SKIDA1: variants seen among roughly 807,000 people sequenced by gnomAD.
The protein encoded by SKIDA1 is SKI/DACH domain containing 1.
SKIDA1 carries 18 observed loss-of-function variants against 51.4 expected under a neutral mutation model. That is an observed-to-expected ratio of 0.35 (90% confidence interval 0.24 to 0.52). The LOEUF is 0.52. Among genes scored for constraint, SKIDA1 ranks in the 20% least tolerant of loss-of-function variants. SKIDA1 has a pLI of 0.95. For missense variants in SKIDA1, 1,104 were observed against 1,180.6 expected (o/e 0.94, Z 0.95); for synonymous variants, 579 against 500.5 (o/e 1.16, Z -2.09).
chr10:21,517,505 C>A lies in SKIDA1; in HGVS notation c.318G>T (p.Arg106Ser). 2 of 1,559,896 alleles carry A rather than the reference C, an allele frequency of 1.3e-6. No individual in the cohort carries two copies. Among genetic ancestry groups the A allele is most frequent in the Non-Finnish European group, 1.7e-6 (2 of 1,152,142 alleles). The change falls in exon 4 of 4, where the codon AGG (arginine) becomes AGT (serine). Residue 106 changes from arginine (R) to serine (S), a missense_variant. Physicochemically the swap from Arg to Ser is moderately radical, Grantham distance 110. Around this residue, in one of 3 missense-constraint regions of SKIDA1, gnomAD observed 938 missense variants for 886.4 expected, o/e 1.06. Coordinates refer to ENST00000449193, the MANE Select transcript of SKIDA1 (RefSeq NM_207371.4). The surrounding 1 kb of genome is among the most constrained non-coding windows in gnomAD (Gnocchi z 6.9). ...KTERVLKTKR[R>S]RVGRALATKA... ...TTGTGGCCAGGGCCCGGCCGACCCG[C>A]CTGCGCTTGGTCTTGAGGACGCGCT...
intron 2 of SKIDA1, among the ~76,000 whole-genome samples, chr10:21,522,263 G>GCCCCCCCCCCCCCCCCCCCCCC (rs2032417569): frequency 4.1e-5 from 1 of 24,114 alleles, no homozygotes; most frequent in Non-Finnish European, 6.9e-5. Context: ...GAGGATCACA[G>GCCCCCCCCCCCCCCCCCCCCCC]CCACCCCCCC....
rs754621872 is a variant in SKIDA1 at position 21,517,124 on chromosome 10, A to AGCGGCGGCGGCGGCGGCGGCG, written c.678_698dup (p.Ala238_Ala244dup). 1 of 1,031,728 alleles carries AGCGGCGGCGGCGGCGGCGGCG rather than the reference A, an allele frequency of 9.7e-7. No individual in the cohort carries two copies. The highest frequency in any genetic ancestry group is 1.9e-5 in the African/African-American group (1 of 53,166). The allele number at this position is 1,031,728 out of a possible 1,614,324, so 63.9% of individuals were successfully genotyped here. A position where few individuals can be genotyped will look rare whatever the true frequency, so the allele number is the denominator to read the frequency against. ...CGGCGGCGGCGGCGGCGGCGGCAGC[A>AGCGGCGGCGGCGGCGGCGGCG]GCGGCGGCGGCGGCGGCGGCGGCGG... On this transcript the variant is annotated inframe_insertion, in exon 4 of 4. Coordinates refer to ENST00000449193, the MANE Select transcript of SKIDA1 (RefSeq NM_207371.4). This position sits in a 1 kb window ranked among gnomAD's most constrained non-coding sequence, Gnocchi z 6.9.
In SKIDA1 at chr10:21,522,263, G is replaced by GCCA. The variant is rs2032417886; in HGVS notation, c.-1928-786_-1928-784dup. Among the ~76,000 whole-genome samples, 14 of 24,116 alleles carry GCCA rather than the reference G, an allele frequency of 5.8e-4. 1 individual carries two copies. Among genetic ancestry groups the GCCA allele is most frequent in the East Asian group, 6.1e-3 (1 of 164 alleles). 15.8% of individuals were successfully genotyped at this position (24,116 alleles called of 152,430 possible). A position where few individuals can be genotyped will look rare whatever the true frequency, so the allele number is the denominator to read the frequency against. ...ATACATAATTTAAATGAGGATCACA[G>GCCA]CCACCCCCCCCCCCCCCCCCCCCCC... is the stretch of plus-strand genomic sequence containing the variant. On this transcript the variant is annotated intron_variant, in intron 2 of 3. Coordinates refer to ENST00000449193, the MANE Select transcript of SKIDA1 (RefSeq NM_207371.4).
chr10:21,525,178 T>C (rs1460304745), intron 1 of SKIDA1, among the ~76,000 whole-genome samples: 1 of 152,202 alleles, frequency 6.6e-6, no homozygotes, highest in African/African-American at 2.4e-5. Context: ...GTAGTGGCTA[T>C]GGGAGAGATG....
rs952360682 is a variant in SKIDA1, at chr10:21,519,000, T to A, written c.-1178A>T. 1.8e-5 allele frequency: 3 copies of A among 166,596 alleles called. No homozygotes were observed. The highest frequency in any genetic ancestry group is 7.3e-5 in the African/African-American group (3 of 41,194). 10.3% of individuals were successfully genotyped at this position (166,596 alleles called of 1,614,324 possible). On this transcript the variant is annotated 5_prime_UTR_variant, in exon 4 of 4. Coordinates refer to ENST00000449193, the MANE Select transcript of SKIDA1 (RefSeq NM_207371.4). ...GCTGGGGGGTGGGGTGGGGAGGAGG[T>A]AGTTTCACGTCAGACCCATAACAAA...
chr10:21,523,505 A>G (rs553117962), intron 2 of SKIDA1, among the ~76,000 whole-genome samples, 178 bp downstream of exon 2: 5 of 152,304 alleles, frequency 3.3e-5, no homozygotes, highest in Admixed American at 3.3e-4. Context: ...GCCTTTCACA[A>G]TTGATCCTGA....
In SKIDA1 at chr10:21,517,233, GT is replaced by G; in HGVS notation, c.589del (p.Thr197LeufsTer71). 6.8e-7 allele frequency: 1 copy of G among 1,467,480 alleles called. No homozygotes were observed. Among genetic ancestry groups the G allele is most frequent in the Admixed American group, 2.5e-5 (1 of 40,364 alleles). 90.9% of individuals were successfully genotyped at this position (1,467,480 alleles called of 1,614,324 possible). A position where few individuals can be genotyped will look rare whatever the true frequency, so the allele number is the denominator to read the frequency against. The stretch of plus-strand genomic sequence containing the variant: ...GACGTAGTTTCCCTGGAGCGGGGCA[GT>G]TTCATAGTTTAGAGGGGGTTTGCAC... The part of the protein sequence containing the change: ...SPCKPPLNYE[T>X]APLQGNYVAF... On this transcript the variant is annotated frameshift_variant, in exon 4 of 4. Transcript: ENST00000449193. LOFTEE classifies it high-confidence loss of function. The surrounding 1 kb of genome is among the most constrained non-coding windows in gnomAD (Gnocchi z 6.9).
chr10:21,523,408 A>G (rs375208575), intron 2 of SKIDA1, among the ~76,000 whole-genome samples: 1 of 152,184 alleles, frequency 6.6e-6, no homozygotes, highest in Admixed American at 6.5e-5. Flanking sequence ...ATTAAATGCT[A>G]TCAAAGAAAA....
Position 21,516,390 on chromosome 10 carries a change from T to C in SKIDA1, c.1433A>G (p.Gln478Arg). Residue 478 changes from glutamine (Q) to arginine (R), a missense_variant, in exon 4 of 4, where the codon CAG (glutamine) becomes CGG (arginine). By Grantham distance (43) the Gln-to-Arg change is conservative (BLOSUM62 1). Around this residue, in one of 3 missense-constraint regions of SKIDA1, gnomAD observed 938 missense variants for 886.4 expected, o/e 1.06. Coordinates refer to ENST00000449193, the MANE Select transcript of SKIDA1 (RefSeq NM_207371.4). This position sits in a 1 kb window ranked among gnomAD's most constrained non-coding sequence, Gnocchi z 5.7. ...RTSFCKPPSVQAQANFLYHLA... is the reference protein window; with the variant it reads ...RTSFCKPPSVRAQANFLYHLA... ...ATGGTACAAGAAGTTGGCCTGCGCC[T>C]GCACGCTGGGAGGCTTGCAGAAGCT... The C allele has an allele frequency of 1.9e-6, 3 of 1,613,468 alleles. No homozygotes were observed. Among genetic ancestry groups the C allele is most frequent in the Non-Finnish European group, 2.5e-6 (3 of 1,179,874 alleles).
chr10:21,515,587 G>T lies in SKIDA1; in HGVS notation c.2236C>A (p.Pro746Thr), dbSNP rs1358894648. 6.2e-7 allele frequency: 1 copy of T among 1,614,024 alleles called. No homozygotes were observed. The highest frequency in any genetic ancestry group is 2.2e-5 in the East Asian group (1 of 44,894). Residue 746 changes from proline to threonine, a missense_variant, in exon 4 of 4, where the codon CCT becomes ACT. By Grantham distance (38) the Pro-to-Thr change is conservative (BLOSUM62 -1). Transcript: ENST00000449193. ...EGFACPEKETPSLNPLAQSQG... is the reference protein window; with the variant it reads ...EGFACPEKETTSLNPLAQSQG... ...CTTTGAGCCAGTGGATTTAAGGAAGGAGTTTCTTTTTCAGGGCATGCAAAA... is the reference window on the plus strand; with the variant it reads ...CTTTGAGCCAGTGGATTTAAGGAAGTAGTTTCTTTTTCAGGGCATGCAAAA...
chr10:21,516,534 CCCCCCTCCTCCTCCTCTT>C lies in SKIDA1; in HGVS notation c.1271_1288del (p.Glu424_Gly429del), dbSNP rs748575217. On this transcript the variant is annotated inframe_deletion, in exon 4 of 4. Transcript: ENST00000449193. The surrounding 1 kb of genome is among the most constrained non-coding windows in gnomAD (Gnocchi z 5.7). ...TTCACTGGAATCCGAGGCCCCGCTGCCCCCCTCCTCCTCCTCTTCCTCCTCCTCCTCCTCTCCCTCCTC... is the reference window on the plus strand; with the variant it reads ...TTCACTGGAATCCGAGGCCCCGCTGCCCTCCTCCTCCTCCTCTCCCTCCTC... The C allele has an allele frequency of 4.7e-6, 6 of 1,278,626 alleles. No homozygotes were observed. The highest frequency in any genetic ancestry group is 6.3e-6 in the Non-Finnish European group (6 of 954,920). 79.2% of individuals were successfully genotyped at this position (1,278,626 alleles called of 1,614,324 possible).
chr10:21,517,950 A>C lies in SKIDA1; in HGVS notation c.-128T>G. The C allele has an allele frequency of 3.6e-6, 3 of 839,334 alleles. No individual in the cohort carries two copies. The highest frequency in any genetic ancestry group is 2.8e-5 in the South Asian group (1 of 36,030). 52.0% of individuals were successfully genotyped at this position (839,334 alleles called of 1,614,324 possible). On this transcript the variant is annotated 5_prime_UTR_variant, in exon 4 of 4. Transcript: ENST00000449193. This position sits in a 1 kb window ranked among gnomAD's most constrained non-coding sequence, Gnocchi z 6.9. ...AAGGCATCCTGCTAATAAAATAACA[A>C]AGACTGTTATTCCCGGCGAAGGAAG... is the stretch of plus-strand genomic sequence containing the variant.
At position 21,515,403 on chromosome 10, in the gene SKIDA1, G is replaced by A. The variant is rs2032168245; in HGVS notation, c.2420C>T (p.Pro807Leu). ...TGTCTCAGTTTTACCTGTAGGACGA[G>A]GGCTTCTAGCTGATTTCAAATTTGG... ...VKPNLKSARS[P>L]RPTGKTETNE... The change falls in exon 4 of 4, where the codon CCT becomes CTT. Residue 807 changes from proline to leucine, a missense_variant. Around this residue, in one of 3 missense-constraint regions of SKIDA1, gnomAD observed 112 missense variants for 168.3 expected, o/e 0.67. Transcript: ENST00000449193. The A allele has an allele frequency of 6.2e-7, 1 of 1,613,974 alleles. No homozygotes were observed. Among genetic ancestry groups the A allele is most frequent in the Non-Finnish European group, 8.5e-7 (1 of 1,179,888 alleles).
chr10:21,516,862 T>C lies in SKIDA1; in HGVS notation c.961A>G (p.Thr321Ala), dbSNP rs1031787874. The C allele has an allele frequency of 3.0e-6, 4 of 1,337,040 alleles. No homozygotes were observed. Among genetic ancestry groups the C allele is most frequent in the East Asian group, 3.1e-5 (1 of 32,378 alleles). The allele number at this position is 1,337,040 out of a possible 1,614,324, so 82.8% of individuals were successfully genotyped here. A position where few individuals can be genotyped will look rare whatever the true frequency, so the allele number is the denominator to read the frequency against. Residue 321 changes from threonine to alanine, a missense_variant, in exon 4 of 4, where the codon ACT becomes GCT. Physicochemically the swap from Thr to Ala is moderately conservative, Grantham distance 58. Transcript: ENST00000449193. This position sits in a 1 kb window ranked among gnomAD's most constrained non-coding sequence, Gnocchi z 5.7. ...ACCAGATGAAACCTCTCCAGGCAAG[T>C]GGCCCCCGCGGCGGCCGCCGCCGCC... Reference protein sequence around the residue: ...AAAAAAAAGATCLERFHLVNG... With the variant: ...AAAAAAAAGAACLERFHLVNG...
intron 2 of SKIDA1, among the ~76,000 whole-genome samples, chr10:21,521,910 C>G (rs2032406041): frequency 6.6e-6 from 1 of 152,190 alleles, no homozygotes; most frequent in Non-Finnish European, 1.5e-5. Context: ...TTTGTCTTTA[C>G]TTATCCCATA....
chr10:21,516,537 C>CCCCCCTCCT lies in SKIDA1; in HGVS notation c.1285_1286insAGGAGGGGG (p.Glu428_Gly429insGluGluGly). 6.7e-7 allele frequency: 1 copy of CCCCCCTCCT among 1,489,266 alleles called. No homozygotes were observed. Among genetic ancestry groups the CCCCCCTCCT allele is most frequent in the Non-Finnish European group, 9.1e-7 (1 of 1,099,694 alleles). The allele number at this position is 1,489,266 out of a possible 1,614,324, so 92.3% of individuals were successfully genotyped here. A position where few individuals can be genotyped will look rare whatever the true frequency, so the allele number is the denominator to read the frequency against. On this transcript the variant is annotated inframe_insertion, in exon 4 of 4. Coordinates refer to ENST00000449193, the MANE Select transcript of SKIDA1 (RefSeq NM_207371.4). This position sits in a 1 kb window ranked among gnomAD's most constrained non-coding sequence, Gnocchi z 5.7. The stretch of plus-strand genomic sequence containing the variant: ...ACTGGAATCCGAGGCCCCGCTGCCC[C>CCCCCCTCCT]CCTCCTCCTCCTCTTCCTCCTCCTC...
At chr10:21,522,750 C>T (rs1473198394) in intron 2 of SKIDA1, among the ~76,000 whole-genome samples, 1 of 152,174 alleles carries the variant, frequency 6.6e-6, no homozygotes, top group Non-Finnish European at 1.5e-5. Flanking sequence ...CATTTAAAAA[C>T]CCTGTCTTTA....
intron 3 of SKIDA1, among the ~76,000 whole-genome samples, chr10:21,520,218 G>A (rs2032353064): frequency 6.6e-6 from 1 of 152,066 alleles, no homozygotes; most frequent in Non-Finnish European, 1.5e-5. Flanking sequence ...ACAATGCCTC[G>A]TCACAGCTAA....
Position 21,514,272 on chromosome 10 carries a change from A to ATGT in SKIDA1, c.*821_*823dup, listed in dbSNP as rs2032125013. The ATGT allele has an allele frequency of 6.6e-6, 1 of 151,590 alleles. No homozygotes were observed. Among genetic ancestry groups the ATGT allele is most frequent in the East Asian group, 1.9e-4 (1 of 5,194 alleles). The allele number at this position is 151,590 out of a possible 1,614,324, so 9.4% of individuals were successfully genotyped here. A position where few individuals can be genotyped will look rare whatever the true frequency, so the allele number is the denominator to read the frequency against. ...AATTGTTTTGGGAGTTTGAAGAGTC[A>ATGT]TGTTCAGACCACAAGATAAGCAGGA... is the stretch of plus-strand genomic sequence containing the variant. On this transcript the variant is annotated 3_prime_UTR_variant, in exon 4 of 4. Coordinates refer to ENST00000449193, the MANE Select transcript of SKIDA1 (RefSeq NM_207371.4).
Sources: gnomAD v4.1 joint callset for allele counts (sites outside exome capture counted in the v4.1 genomes callset) on GRCh38, gnomAD v4.1.1 for gene constraint, gnomAD v4.1.1 regional missense constraint, Gnocchi (gnomAD v3.1) non-coding constraint, MANE v1.5 for transcripts, NCBI Gene and HGNC (gene_info 2026-07-23, HGNC 2026-07-21) for gene names.